Variants in ARHGAP10 observed in about 807,000 individuals in gnomAD.
The protein encoded by ARHGAP10 is Rho GTPase activating protein 10, also known as rho GTPase-activating protein 10.
ARHGAP10 carries 87 observed loss-of-function variants against 108.6 expected under a neutral mutation model. The observed-to-expected ratio is 0.80, with a 90% CI of 0.67 to 0.96. The LOEUF (loss-of-function observed/expected upper bound fraction) is 0.96. Among genes scored for constraint, ARHGAP10 ranks in the 40% least tolerant of loss-of-function variants. ARHGAP10 has a pLI of 0.00. For synonymous variants in ARHGAP10, 347 were observed against 341.1 expected (o/e 1.02, Z -0.19); for missense variants, 939 against 954.5 (o/e 0.98, Z 0.21).
At chr4:147,962,447 C>G (rs1739037000) in intron 16 of ARHGAP10, among the ~76,000 whole-genome samples, 1 of 152,126 alleles carries the variant, frequency 6.6e-6, no homozygotes, top group Non-Finnish European at 1.5e-5. Flanking sequence ...GATATTGTTT[C>G]ATTTTGCAGA....
chr4:148,029,015 T>TA (rs1289041699), intron 19 of ARHGAP10, among the ~76,000 whole-genome samples: 3 of 152,208 alleles, frequency 2.0e-5, no homozygotes, highest in African/African-American at 7.2e-5. Context: ...GCCATTTTGT[T>TA]AGTGTGTTCA....
At position 147,864,921 on chromosome 4, in the gene ARHGAP10, A is replaced by G. The variant is rs753614347; in HGVS notation, c.562A>G (p.Ile188Val). The G allele has an allele frequency of 3.1e-6, 5 of 1,614,126 alleles. No homozygotes were observed. In the South Asian group the frequency reaches 3.3e-5, roughly 11 times the overall value. ...CGAGTATGTGTGTAAGCTGCAGGAAATCCAAGAAAGAAAGAAGTTTGAGTT... is the reference window on the plus strand; with the variant it reads ...CGAGTATGTGTGTAAGCTGCAGGAAGTCCAAGAAAGAAAGAAGTTTGAGTT... The part of the protein sequence containing the change: ...SLEYVCKLQE[I>V]QERKKFEFVE... The change falls in exon 6 of 23, where the codon ATC (isoleucine) becomes GTC (valine). Residue 188 changes from isoleucine to valine, a missense_variant. Ile to Val is a conservative substitution (Grantham distance 29, BLOSUM62 3). Coordinates refer to ENST00000336498, the MANE Select transcript of ARHGAP10 (RefSeq NM_024605.4).
chr4:147,791,115 T>TG (rs1731103307), intron 1 of ARHGAP10, among the ~76,000 whole-genome samples: 1 of 149,998 alleles, frequency 6.7e-6, no homozygotes, highest in East Asian at 1.9e-4. Flanking sequence ...TTCTTTACTT[T>TG]TTTTTTTTTT....
At chr4:147,879,403 T>A (rs1180888658) in intron 9 of ARHGAP10, 65 bp downstream of exon 9, 1 of 1,354,514 alleles carries the variant, frequency 7.4e-7, no homozygotes, top group Admixed American at 2.0e-5. Flanking sequence ...AGGGTGTCAT[T>A]TTAATGGTTT....
chr4:147,819,335 A>G (rs965185859), intron 1 of ARHGAP10, among the ~76,000 whole-genome samples: 1 of 152,170 alleles, frequency 6.6e-6, no homozygotes, highest in Non-Finnish European at 1.5e-5. Flanking sequence ...GTAAATATAA[A>G]CAAACATGTT....
At chr4:147,755,570 G>GA (rs1729334350) in intron 1 of ARHGAP10, among the ~76,000 whole-genome samples, 3 of 152,168 alleles carry the variant, frequency 2.0e-5, no homozygotes, top group African/African-American at 7.2e-5. Flanking sequence ...TTATCAAGAA[G>GA]AAAGAGAGGG....
chr4:147,940,665 TTTAA>T (rs1379029578), intron 14 of ARHGAP10, among the ~76,000 whole-genome samples: 18 of 152,204 alleles, frequency 1.2e-4, no homozygotes, highest in African/African-American at 2.4e-4. Flanking sequence ...GATACCTTAC[TTTAA>T]TTAATCAATA....
At chr4:147,999,838 G>C (rs1443326940) in intron 18 of ARHGAP10, among the ~76,000 whole-genome samples, 1 of 152,136 alleles carries the variant, frequency 6.6e-6, no homozygotes, top group African/African-American at 2.4e-5. Flanking sequence ...ACAACATGAT[G>C]GGGGATTAAA....
At chr4:147,841,949 C>A (rs762784310) in intron 3 of ARHGAP10, among the ~76,000 whole-genome samples, 1 of 152,104 alleles carries the variant, frequency 6.6e-6, no homozygotes, top group African/African-American at 2.4e-5. Flanking sequence ...CACGTCACCC[C>A]CAAGATGGAG....
At chr4:147,817,769 G>A (rs757478665) in intron 1 of ARHGAP10, among the ~76,000 whole-genome samples, 5 of 152,216 alleles carry the variant, frequency 3.3e-5, no homozygotes, top group Non-Finnish European at 5.9e-5. Flanking sequence ...TTTGTGCACA[G>A]TCAGACTTGG....
chr4:147,781,773 A>G (rs751002097), intron 1 of ARHGAP10, among the ~76,000 whole-genome samples: 1 of 148,760 alleles, frequency 6.7e-6, no homozygotes, highest in Non-Finnish European at 1.5e-5. Flanking sequence ...TTAATTGCAT[A>G]CAATTACTAA....
chr4:147,900,320 C>A (rs910868276), intron 10 of ARHGAP10, among the ~76,000 whole-genome samples: 29 of 152,200 alleles, frequency 1.9e-4, no homozygotes, highest in Middle Eastern at 6.8e-3. Flanking sequence ...TTTAAGAATT[C>A]TTTTAAAAAG....
intron 1 of ARHGAP10, among the ~76,000 whole-genome samples, chr4:147,798,724 A>ACT (rs1178256407): frequency 9.3e-5 from 8 of 86,010 alleles, no homozygotes; most frequent in African/African-American, 4.2e-4. Flanking sequence ...AGTTTGAGAC[A>ACT]CTCTCTCTCT....
intron 1 of ARHGAP10, among the ~76,000 whole-genome samples, chr4:147,745,862 C>T (rs959311464): frequency 6.8e-6 from 1 of 147,806 alleles, no homozygotes; most frequent in Non-Finnish European, 1.5e-5. Flanking sequence ...TCTCGGTTCA[C>T]GGCAACCTCC....
In ARHGAP10 at chr4:147,860,143, T is replaced by C. The variant is rs113964119; in HGVS notation, c.486+2489T>C. 9.7e-3 allele frequency among the ~76,000 whole-genome samples: 1,476 copies of C among 152,212 alleles called. 27 individuals are homozygous for C. Among genetic ancestry groups the C allele is most frequent in the African/African-American group, 0.032 (1,329 of 41,542 alleles). On this transcript the variant is annotated intron_variant, in intron 5 of 22. Coordinates refer to ENST00000336498, the MANE Select transcript of ARHGAP10 (RefSeq NM_024605.4). ...AATTCATTCTCTCCTCTTGCTTCAA[T>C]TGAAAATAACAGGAGAAGGCCGGGC...
rs147173903 is a variant in ARHGAP10 at position 147,739,249 on chromosome 4, A to G, written c.154+6794A>G. ...AATCAGAGCTCAGTGGTATCTTGGG[A>G]AAATATTTTCTAGAATTTATTTTTG... On this transcript the variant is annotated intron_variant, in intron 1 of 22. Transcript: ENST00000336498. Among the ~76,000 whole-genome samples, 15 of 152,068 alleles carry G rather than the reference A, an allele frequency of 9.9e-5. No homozygotes were observed. The South Asian group carries it at 1.9e-3, about 19-fold the overall frequency.
At chr4:147,989,495 C>T (rs1414017522) in intron 18 of ARHGAP10, among the ~76,000 whole-genome samples, 3 of 152,116 alleles carry the variant, frequency 2.0e-5, no homozygotes, top group African/African-American at 4.8e-5. Flanking sequence ...GAGACAGGTA[C>T]GCCCTGGGGG....
chr4:148,015,754 A>C (rs1741322136), intron 18 of ARHGAP10, among the ~76,000 whole-genome samples: 1 of 152,182 alleles, frequency 6.6e-6, no homozygotes, highest in African/African-American at 2.4e-5. Context: ...GGTTTGCTTA[A>C]ACCTGTAGAC....
chr4:147,754,811 C>T (rs1025944655), intron 1 of ARHGAP10, among the ~76,000 whole-genome samples: 5 of 151,976 alleles, frequency 3.3e-5, no homozygotes, highest in Admixed American at 6.6e-5. Flanking sequence ...TATTAAAATC[C>T]GGCTGGGCGT....
Sources: allele counts gnomAD v4.1 joint callset (sites outside exome capture counted in the v4.1 genomes callset), GRCh38; gene constraint gnomAD v4.1.1; transcripts MANE v1.5; gene names NCBI Gene and HGNC (gene_info 2026-07-23, HGNC 2026-07-21).